Variants in PRKG1 observed in about 807,000 individuals in gnomAD.
PRKG1 encodes the protein protein kinase cGMP-dependent 1.
In PRKG1, 35 loss-of-function variants were observed where a neutral mutation model predicts 88.1. The ratio of observed to expected loss-of-function variants is 0.40; its 90% CI spans 0.30 to 0.53. PRKG1 has a LOEUF of 0.53. Among genes scored for constraint, PRKG1 ranks in the 20% least tolerant of loss-of-function variants. The pLI is 0.59. For missense variants in PRKG1, 540 were observed against 839.8 expected (o/e 0.64, Z 4.41); for synonymous variants, 303 against 292.5 (o/e 1.04, Z -0.37).
intron 2 of PRKG1, among the ~76,000 whole-genome samples, chr10:51,185,153 C>G (rs1396742663): frequency 2.0e-5 from 3 of 152,036 alleles, no homozygotes; most frequent in Non-Finnish European, 2.9e-5. Context: ...AGGGTCAAGT[C>G]TTGGATCTGA....
intron 1 of PRKG1, among the ~76,000 whole-genome samples, chr10:50,999,595 C>T (rs1842867170): frequency 6.6e-6 from 1 of 152,080 alleles, no homozygotes; most frequent in African/African-American, 2.4e-5. Flanking sequence ...TGGCAAAAAC[C>T]TTATAGGGTT....
chr10:51,698,164 G>T (rs760153053), intron 3 of PRKG1: 6 of 1,613,938 alleles, frequency 3.7e-6, no homozygotes, highest in Middle Eastern at 1.6e-4. Flanking sequence ...TGGGGACAGG[G>T]CCCCTCATCT....
chr10:51,049,830 A>T (rs1843538848), intron 1 of PRKG1, among the ~76,000 whole-genome samples: 1 of 152,148 alleles, frequency 6.6e-6, no homozygotes, highest in South Asian at 2.1e-4. Flanking sequence ...ATTTTGTAAT[A>T]ATTCTTGCTT....
At chr10:51,413,283 C>A (rs1019383800) in intron 2 of PRKG1, among the ~76,000 whole-genome samples, 1 of 152,056 alleles carries the variant, frequency 6.6e-6, no homozygotes, top group African/African-American at 2.4e-5. Context: ...TAAACACTAA[C>A]ACAAGTGGGA....
At chr10:51,663,464 CA>C (rs1840347682) in intron 3 of PRKG1, among the ~76,000 whole-genome samples, 1 of 151,738 alleles carries the variant, frequency 6.6e-6, no homozygotes, top group Non-Finnish European at 1.5e-5. Context: ...CAGCACTTTG[CA>C]GATTCAAAGT....
chr10:51,206,786 T>C (rs2132065422), intron 2 of PRKG1, among the ~76,000 whole-genome samples: 1 of 152,306 alleles, frequency 6.6e-6, no homozygotes, highest in East Asian at 1.9e-4. Context: ...TCAACTGCAG[T>C]TATAGCTTTT....
intron 2 of PRKG1, among the ~76,000 whole-genome samples, chr10:51,417,368 T>C (rs984027210): frequency 6.6e-6 from 1 of 152,182 alleles, no homozygotes; most frequent in Non-Finnish European, 1.5e-5. Context: ...ATTCTTTAAC[T>C]GTAGCATTCA....
intron 5 of PRKG1, among the ~76,000 whole-genome samples, chr10:52,047,470 A>T (rs1196478473): frequency 1.3e-5 from 2 of 152,178 alleles, no homozygotes; most frequent in Non-Finnish European, 2.9e-5. Context: ...CTGGCTCCAG[A>T]ATAGATTTTA....
chr10:51,401,590 T>C (rs184052967), intron 2 of PRKG1, among the ~76,000 whole-genome samples: 198 of 152,310 alleles, frequency 1.3e-3, no homozygotes, highest in Non-Finnish European at 2.1e-3. Flanking sequence ...TAAAACTGTT[T>C]TTTAAGTTTG....
chr10:51,602,983 A>C (rs1838657837), intron 3 of PRKG1, among the ~76,000 whole-genome samples: 1 of 151,688 alleles, frequency 6.6e-6, no homozygotes, highest in Non-Finnish European at 1.5e-5. Context: ...TCTGAGATGG[A>C]GTCTCACTCT....
chr10:52,108,795 A>G (rs1847484762), intron 7 of PRKG1, among the ~76,000 whole-genome samples: 1 of 149,136 alleles, frequency 6.7e-6, no homozygotes, highest in Non-Finnish European at 1.5e-5. Context: ...CAAAAGTAGA[A>G]TTTTTATTAA....
chr10:51,149,681 G>A (rs1589195387), intron 1 of PRKG1, among the ~76,000 whole-genome samples: 1 of 152,072 alleles, frequency 6.6e-6, no homozygotes, highest in East Asian at 1.9e-4. Flanking sequence ...AATTCTTAGG[G>A]TGTTAGAAAA....
chr10:51,546,540 T>C (rs1842448833), intron 3 of PRKG1, among the ~76,000 whole-genome samples: 1 of 152,126 alleles, frequency 6.6e-6, no homozygotes, highest in Non-Finnish European at 1.5e-5. Flanking sequence ...GACAAGCCTG[T>C]ATATGCTACA....
At chr10:51,742,313 C>CATT (rs1342603869) in intron 3 of PRKG1, among the ~76,000 whole-genome samples, 1 of 152,094 alleles carries the variant, frequency 6.6e-6, no homozygotes, top group African/African-American at 2.4e-5. Flanking sequence ...TCCATGAAGA[C>CATT]ATTACATTTT....
chr10:51,110,099 G>T (rs531269655), intron 1 of PRKG1, among the ~76,000 whole-genome samples: 86 of 152,196 alleles, frequency 5.7e-4, no homozygotes, highest in African/African-American at 2.0e-3. Context: ...CGGTGGGAAT[G>T]TAAGATAATA....
intron 4 of PRKG1, among the ~76,000 whole-genome samples, chr10:51,858,380 A>T (rs1320884785): frequency 1.6e-4 from 5 of 31,758 alleles, no homozygotes; most frequent in East Asian, 4.2e-4. Flanking sequence ...TATATATAAA[A>T]TATATATATA....
At chr10:52,223,930 T>C (rs1840315055) in intron 9 of PRKG1, among the ~76,000 whole-genome samples, 1 of 152,160 alleles carries the variant, frequency 6.6e-6, no homozygotes, top group Non-Finnish European at 1.5e-5. Context: ...GCATTAACAC[T>C]GCAGTCTAGG....
chr10:51,120,713 G>A (rs575108997), intron 1 of PRKG1, among the ~76,000 whole-genome samples: 12 of 152,234 alleles, frequency 7.9e-5, no homozygotes, highest in Admixed American at 7.9e-4. Flanking sequence ...TTTTCTGTTA[G>A]CATATACACT....
chr10:51,196,798 G>T (rs528107642), intron 2 of PRKG1, among the ~76,000 whole-genome samples: 3 of 152,258 alleles, frequency 2.0e-5, no homozygotes, highest in African/African-American at 7.2e-5. Flanking sequence ...AAACAGCTCA[G>T]TTCAAGTTGG....
Sources: gnomAD v4.1 joint callset for allele counts (sites outside exome capture counted in the v4.1 genomes callset) on GRCh38, gnomAD v4.1.1 for gene constraint, MANE v1.5 for transcripts, NCBI Gene and HGNC (gene_info 2026-07-23, HGNC 2026-07-21) for gene names.